GRIA1: variants seen among roughly 807,000 people sequenced by gnomAD.
GRIA1 encodes the protein glutamate receptor 1.
A neutral mutation model predicts 99.2 loss-of-function variants in GRIA1; 31 were observed. The observed-to-expected ratio is 0.31, with a 90% CI of 0.23 to 0.42. The LOEUF (loss-of-function observed/expected upper bound fraction) is 0.42. Ranked by LOEUF, GRIA1 falls within the 10% of genes least tolerant of loss-of-function variation. GRIA1 has a pLI of 1.00. For missense variants in GRIA1, 782 were observed against 1,157.5 expected (o/e 0.68, Z 4.71); for synonymous variants, 438 against 432.4 (o/e 1.01, Z -0.16).
intron 2 of GRIA1, among the ~76,000 whole-genome samples, chr5:153,506,890 A>T (rs917380431): frequency 2.6e-5 from 4 of 152,176 alleles, no homozygotes; most frequent in African/African-American, 9.7e-5. Context: ...TGGGAGGCCA[A>T]GGCGGGCAGA....
chr5:153,598,705 T>C (rs1440977116), intron 2 of GRIA1, among the ~76,000 whole-genome samples: 2 of 152,194 alleles, frequency 1.3e-5, no homozygotes, highest in African/African-American at 4.8e-5. Context: ...CCAATATTTA[T>C]TGGGCTCTTG....
chr5:153,723,600 C>G (rs377339249), intron 11 of GRIA1, among the ~76,000 whole-genome samples: 4 of 152,202 alleles, frequency 2.6e-5, no homozygotes, highest in African/African-American at 9.7e-5. Flanking sequence ...TATCCCCCAC[C>G]TGGCTCGGAG....
chr5:153,501,155 C>G (rs1754979113), intron 2 of GRIA1, among the ~76,000 whole-genome samples: 1 of 152,194 alleles, frequency 6.6e-6, no homozygotes, highest in South Asian at 2.1e-4. Context: ...AATGCTGAAG[C>G]ATTATGCCTA....
intron 2 of GRIA1, among the ~76,000 whole-genome samples, chr5:153,577,392 G>A (rs1762663131): frequency 2.0e-5 from 3 of 152,220 alleles, no homozygotes; most frequent in African/African-American, 7.2e-5. Flanking sequence ...AAGATGGTAT[G>A]TTGTAATTTT....
chr5:153,632,592 A>C (rs1753057036), intron 2 of GRIA1, among the ~76,000 whole-genome samples: 1 of 152,202 alleles, frequency 6.6e-6, no homozygotes, highest in South Asian at 2.1e-4. Context: ...GATGGCTTAC[A>C]TGTATCTAGG....
chr5:153,715,491 T>A (rs1759605991), intron 11 of GRIA1, among the ~76,000 whole-genome samples: 1 of 152,232 alleles, frequency 6.6e-6, no homozygotes, highest in Admixed American at 6.5e-5. Flanking sequence ...ACTAGCTGTG[T>A]GAGCTTTAGA....
intron 11 of GRIA1, among the ~76,000 whole-genome samples, chr5:153,743,204 CA>C (rs1323683947): frequency 6.6e-6 from 1 of 152,012 alleles, no homozygotes; most frequent in Non-Finnish European, 1.5e-5. Context: ...ATGGCAGACA[CA>C]AAAAAATGGC....
intron 2 of GRIA1, among the ~76,000 whole-genome samples, chr5:153,580,621 G>A (rs1358185194): frequency 3.3e-5 from 5 of 152,140 alleles, no homozygotes; most frequent in Admixed American, 3.3e-4. Context: ...TGGGATAAAG[G>A]ATGAGAAGAT....
At chr5:153,617,427 T>G (rs6891053) in intron 2 of GRIA1, among the ~76,000 whole-genome samples, 4 of 152,330 alleles carry the variant, frequency 2.6e-5, no homozygotes, top group African/African-American at 9.6e-5. Context: ...TAATTCTTTT[T>G]GGGGAAGATT....
chr5:153,803,567 G>A (rs973047459), intron 15 of GRIA1, among the ~76,000 whole-genome samples: 1 of 152,154 alleles, frequency 6.6e-6, no homozygotes, highest in Non-Finnish European at 1.5e-5. Context: ...ATTGAAGAAG[G>A]CTTCCAGGAA....
chr5:153,501,939 G>T (rs1165916484), intron 2 of GRIA1, among the ~76,000 whole-genome samples: 1 of 152,200 alleles, frequency 6.6e-6, no homozygotes, highest in Non-Finnish European at 1.5e-5. Context: ...TAGCACTGAA[G>T]CTCAGCCTCT....
intron 15 of GRIA1, among the ~76,000 whole-genome samples, chr5:153,803,780 C>T (rs1356322810): frequency 6.6e-6 from 1 of 152,192 alleles, no homozygotes; most frequent in Non-Finnish European, 1.5e-5. Context: ...TGCCTCCAAG[C>T]TCAGTATGCC....
chr5:153,656,218 G>T (rs905128974), intron 5 of GRIA1, among the ~76,000 whole-genome samples: 1 of 151,860 alleles, frequency 6.6e-6, no homozygotes, highest in Non-Finnish European at 1.5e-5. Flanking sequence ...ACTGGTTTGG[G>T]TCCTCCATTT....
At chr5:153,697,596 C>T (rs565193434) in intron 8 of GRIA1, among the ~76,000 whole-genome samples, 3 of 152,156 alleles carry the variant, frequency 2.0e-5, no homozygotes, top group African/African-American at 7.2e-5. Context: ...TACAGTTAAC[C>T]TAAAAATAAA....
At chr5:153,493,603 G>T (rs917011125) in intron 1 of GRIA1, among the ~76,000 whole-genome samples, 5 of 152,190 alleles carry the variant, frequency 3.3e-5, no homozygotes, top group African/African-American at 1.2e-4. Context: ...GAGAATAGCA[G>T]CTCCTAGGTG....
At chr5:153,491,430 G>A in intron 1 of GRIA1, 1 of 463,960 alleles carries the variant, frequency 2.2e-6, no homozygotes, top group Non-Finnish European at 2.9e-6. Flanking sequence ...CTCTGCTGGG[G>A]GACAGAAAAG....
intron 2 of GRIA1, among the ~76,000 whole-genome samples, chr5:153,531,157 C>T (rs1320499124): frequency 5.3e-5 from 8 of 152,094 alleles, no homozygotes; most frequent in African/African-American, 1.9e-4. Flanking sequence ...GAGGGAACTT[C>T]AAGTACAAAA....
chr5:153,510,563 G>T (rs193090886), intron 2 of GRIA1, among the ~76,000 whole-genome samples: 1 of 152,256 alleles, frequency 6.6e-6, no homozygotes, highest in Non-Finnish European at 1.5e-5. Flanking sequence ...GATGAGTTTG[G>T]ATATCTGCAG....
intron 13 of GRIA1, among the ~76,000 whole-genome samples, chr5:153,793,287 G>A (rs942067274): frequency 1.3e-5 from 2 of 152,218 alleles, no homozygotes; most frequent in African/African-American, 2.4e-5. Flanking sequence ...GCCATGGGGA[G>A]CAGTCTGGGT....
Sources: allele counts gnomAD v4.1 joint callset (sites outside exome capture counted in the v4.1 genomes callset), GRCh38; gene constraint gnomAD v4.1.1; transcripts MANE v1.5; gene names NCBI Gene and HGNC (gene_info 2026-07-23, HGNC 2026-07-21).